Variants in GRHL1 observed in about 807,000 individuals in gnomAD.
GRHL1 encodes the protein grainyhead-like protein 1 homolog.
In GRHL1, 38 loss-of-function variants were observed where a neutral mutation model predicts 75.7. The ratio of observed to expected loss-of-function variants is 0.50; its 90% CI spans 0.39 to 0.66. GRHL1 has a LOEUF of 0.66. GRHL1 is among the 30% of genes least tolerant of loss of function. The pLI is 0.00. For synonymous variants in GRHL1, 266 were observed against 279.4 expected, an observed-to-expected ratio of 0.95 and a Z score of 0.48; for missense variants, 589 against 767.5, an observed-to-expected ratio of 0.77 and a Z score of 2.75.
At chr2:9,969,902 G>T (rs1667652501) in intron 8 of GRHL1, among the ~76,000 whole-genome samples, 1 of 144,550 alleles carries the variant, frequency 6.9e-6, no homozygotes. Flanking sequence ...GACTGCAGTG[G>T]CGCTATCTTG....
chr2:9,971,388 T>G (rs1667716857), intron 8 of GRHL1, among the ~76,000 whole-genome samples: 1 of 152,094 alleles, frequency 6.6e-6, no homozygotes. Context: ...GGCAGGAGAT[T>G]TAAAACTAAA....
intron 8 of GRHL1, among the ~76,000 whole-genome samples, chr2:9,971,276 G>A (rs11889061): frequency 0.21 from 31,561 of 152,054 alleles, 3,458 homozygotes; most frequent in African/African-American, 0.27. Context: ...CATTAGGCAG[G>A]GACAGGTTTG....
chr2:9,991,936 G>A, intron 10 of GRHL1, 71 bp from the exon 11 acceptor site: 1 of 1,243,188 alleles, frequency 8.0e-7, no homozygotes, highest in Admixed American at 2.3e-5. Flanking sequence ...CGAGCACTCT[G>A]TGGCCTGCAT....
At chr2:9,979,578 T>C (rs937701353) in intron 8 of GRHL1, among the ~76,000 whole-genome samples, 3 of 152,160 alleles carry the variant, frequency 2.0e-5, no homozygotes, top group Non-Finnish European at 4.4e-5. Flanking sequence ...GAAAGTCTTA[T>C]GGAAATTATT....
chr2:9,957,674 G>A (rs1197096698), intron 2 of GRHL1, among the ~76,000 whole-genome samples: 3 of 151,942 alleles, frequency 2.0e-5, no homozygotes, highest in African/African-American at 7.3e-5. Context: ...CTCCCAAAGT[G>A]CTGGGATTAC....
At chr2:9,966,841 G>C (rs1667515033) in intron 8 of GRHL1, among the ~76,000 whole-genome samples, 1 of 152,122 alleles carries the variant, frequency 6.6e-6, no homozygotes, top group African/African-American at 2.4e-5. Flanking sequence ...GGTGATTGTG[G>C]CTTTAGAAGG....
chr2:9,992,499 G>C lies in GRHL1; in HGVS notation c.1461+353G>C, dbSNP rs949405751. Among the ~76,000 whole-genome samples, 2 of 151,696 alleles carry C rather than the reference G, an allele frequency of 1.3e-5. No individual in the cohort carries two copies. Among genetic ancestry groups the C allele is most frequent in the African/African-American group, 4.9e-5 (2 of 41,016 alleles). On this transcript the variant is annotated intron_variant, in intron 11 of 15. Transcript: ENST00000324907. This position sits in a 1 kb window ranked among gnomAD's most constrained non-coding sequence, Gnocchi z 4.6. ...TAAACTTAACTTGGGGCAATACCTAGGTTAAGGAGCTCTTATAACATAAGA... is the reference window on the plus strand; with the variant it reads ...TAAACTTAACTTGGGGCAATACCTACGTTAAGGAGCTCTTATAACATAAGA...
intron 13 of GRHL1, 108 bp downstream of exon 13, chr2:9,996,078 G>A: frequency 1.2e-6 from 1 of 817,942 alleles, no homozygotes; most frequent in East Asian, 2.5e-5. Context: ...CACTTGCTTG[G>A]GAATTCTTCC....
chr2:9,981,595 C>T (rs1431789180), intron 8 of GRHL1, among the ~76,000 whole-genome samples: 2 of 152,170 alleles, frequency 1.3e-5, no homozygotes, highest in East Asian at 1.9e-4. Context: ...ACTGCAGAGT[C>T]GAGTAGTTGC....
chr2:9,999,663 C>T (rs971183447), intron 15 of GRHL1, among the ~76,000 whole-genome samples: 4 of 152,210 alleles, frequency 2.6e-5, no homozygotes, highest in East Asian at 3.8e-4. Context: ...AGTTATGTCA[C>T]GTTGCTGCTT....
intron 1 of GRHL1, among the ~76,000 whole-genome samples, chr2:9,953,660 TGTTC>T (rs1460586658): frequency 6.6e-6 from 1 of 151,770 alleles, no homozygotes; most frequent in African/African-American, 2.4e-5. Context: ...TTTTTGAAGA[TGTTC>T]TCCTTTTTCT....
chr2:9,965,405 T>A (rs373058096), intron 8 of GRHL1, 24 bp downstream of exon 8: 1 of 1,303,048 alleles, frequency 7.7e-7, no homozygotes, highest in Non-Finnish European at 1.1e-6. Flanking sequence ...TCTGGGCGCC[T>A]TATGTCCAGC....
chr2:9,956,984 TTTCTTC>T (rs1242356617), intron 2 of GRHL1, among the ~76,000 whole-genome samples: 2 of 148,664 alleles, frequency 1.3e-5, no homozygotes, highest in South Asian at 2.1e-4. Flanking sequence ...GTAAATTTAT[TTTCTTC>T]TTCTTCTTCT....
At chr2:9,977,329 T>A (rs1317011953) in intron 8 of GRHL1, among the ~76,000 whole-genome samples, 1 of 151,028 alleles carries the variant, frequency 6.6e-6, no homozygotes, top group African/African-American at 2.4e-5. Flanking sequence ...CTGGAAGAAA[T>A]TTTTTTTTTC....
In GRHL1 at chr2:9,995,962, C is replaced by T; in HGVS notation, c.1583C>T (p.Pro528Leu). 1 of 1,590,408 alleles carries T rather than the reference C, an allele frequency of 6.3e-7. No homozygotes were observed. Among genetic ancestry groups the T allele is most frequent in the Non-Finnish European group, 8.6e-7 (1 of 1,158,404 alleles). The change falls in exon 13 of 16, where the codon CCA (proline) becomes CTA (leucine). Residue 528 changes from proline (P) to leucine (L), a missense_variant. By Grantham distance (98) the Pro-to-Leu change is moderately conservative. Around this residue, in one of 5 missense-constraint regions of GRHL1, gnomAD observed 192 missense variants for 226.6 expected, o/e 0.85. Transcript: ENST00000324907. ...ACCAAGCTGGCCCGGATAGAAGAAC[C>T]AAAGAGAGGTGTGTTCGTTTCCATT... ...PSTKLARIEE[P>L]KRVLLYVRKE...
intron 8 of GRHL1, among the ~76,000 whole-genome samples, chr2:9,969,003 A>G (rs1024344737): frequency 2.6e-5 from 4 of 152,182 alleles, no homozygotes; most frequent in East Asian, 1.9e-4. Flanking sequence ...TGGGAACGCA[A>G]TTTATAAATT....
chr2:9,988,028 G>T (rs982700313), intron 9 of GRHL1, among the ~76,000 whole-genome samples: 2 of 152,182 alleles, frequency 1.3e-5, no homozygotes, highest in African/African-American at 4.8e-5. Context: ...AAGCACAGTG[G>T]CTGAGCACAG....
chr2:9,974,328 T>C (rs984152486), intron 8 of GRHL1, among the ~76,000 whole-genome samples: 2 of 152,254 alleles, frequency 1.3e-5, no homozygotes, highest in East Asian at 3.8e-4. Flanking sequence ...GGGTAGGCAG[T>C]GAGGATAAGT....
At chr2:9,998,339 G>A (rs1382889443) in intron 14 of GRHL1, among the ~76,000 whole-genome samples, 1 of 151,216 alleles carries the variant, frequency 6.6e-6, no homozygotes, top group Non-Finnish European at 1.5e-5. Context: ...GCTGAGGAGA[G>A]CTGGAGGCCC....
Sources: gnomAD v4.1 joint callset for allele counts (sites outside exome capture counted in the v4.1 genomes callset) on GRCh38, gnomAD v4.1.1 for gene constraint, gnomAD v4.1.1 regional missense constraint, Gnocchi (gnomAD v3.1) non-coding constraint, MANE v1.5 for transcripts, NCBI Gene and HGNC (gene_info 2026-07-23, HGNC 2026-07-21) for gene names.